The following TLN2 variants were observed in gnomAD, a reference collection of about 807,000 sequenced individuals.
The protein encoded by TLN2 is talin 2.
TLN2 carries 118 observed loss-of-function variants against 294.7 expected under a neutral mutation model. That is an observed-to-expected ratio of 0.40 (90% CI 0.34 to 0.47). The LOEUF (loss-of-function observed/expected upper bound fraction) is 0.47, where lower values mean the gene tolerates loss of function less well. Among genes scored for constraint, TLN2 ranks in the 20% least tolerant of loss-of-function variants. TLN2 has a pLI of 0.84. For missense variants in TLN2, 3,083 were observed against 3,282.2 expected (o/e 0.94, Z 1.48); for synonymous variants, 1,431 against 1,304.5 (o/e 1.10, Z -2.09).
intron 1 of TLN2, among the ~76,000 whole-genome samples, chr15:62,495,441 C>T (rs957702589): frequency 1.3e-5 from 2 of 152,188 alleles, no homozygotes; most frequent in Admixed American, 6.5e-5. Context: ...AGGAAAGCCT[C>T]TCATGGGAAT....
chr15:62,586,053 C>G (rs1457341201), intron 1 of TLN2, among the ~76,000 whole-genome samples: 1 of 152,196 alleles, frequency 6.6e-6, no homozygotes, highest in African/African-American at 2.4e-5. Context: ...AGCCGGATGA[C>G]TAGTAAATGA....
chr15:62,564,980 G>A (rs566427785), intron 1 of TLN2, among the ~76,000 whole-genome samples: 1 of 147,430 alleles, frequency 6.8e-6, no homozygotes, highest in Admixed American at 6.8e-5. Context: ...ACTCAGAAAA[G>A]CTTATAAATA....
chr15:62,701,364 A>G, intron 17 of TLN2, 150 bp downstream of exon 17: 2 of 670,654 alleles, frequency 3.0e-6, no homozygotes, highest in Admixed American at 3.1e-5. Context: ...TGCTGTAGGC[A>G]TTTTCTCCCA....
chr15:62,431,034 C>T (rs1222726634), intron 1 of TLN2, among the ~76,000 whole-genome samples: 1 of 151,968 alleles, frequency 6.6e-6, no homozygotes, highest in Non-Finnish European at 1.5e-5. Context: ...TGATACCTTG[C>T]TCTGGATTCT....
intron 40 of TLN2, 32 bp from the exon 41 acceptor site, chr15:62,766,289 T>C (rs778191166): frequency 3.8e-6 from 6 of 1,589,312 alleles, no homozygotes; most frequent in South Asian, 2.2e-5. Flanking sequence ...GGAGCTGTTA[T>C]GGGATGAACT....
At chr15:62,602,038 G>A (rs888615296) in intron 2 of TLN2, among the ~76,000 whole-genome samples, 2 of 152,142 alleles carry the variant, frequency 1.3e-5, no homozygotes, top group Non-Finnish European at 2.9e-5. Flanking sequence ...CTGCCAGTTC[G>A]TCAAGGAGCC....
At chr15:62,696,418 A>AT (rs2058340210) in intron 14 of TLN2, among the ~76,000 whole-genome samples, 1 of 152,204 alleles carries the variant, frequency 6.6e-6, no homozygotes, top group Admixed American at 6.5e-5. Context: ...AAAAAATGCA[A>AT]TTTTTTGGCT....
intron 1 of TLN2, among the ~76,000 whole-genome samples, chr15:62,529,270 A>AT (rs922198106): frequency 2.6e-5 from 4 of 151,650 alleles, no homozygotes; most frequent in Admixed American, 2.0e-4. Context: ...ATTAAAAAAA[A>AT]TTTTTTTTGT....
intron 1 of TLN2, among the ~76,000 whole-genome samples, chr15:62,501,198 GA>G (rs2039287514): frequency 1.3e-5 from 2 of 152,204 alleles, no homozygotes; most frequent in Admixed American, 6.5e-5. Flanking sequence ...AAAAAAGGAG[GA>G]ACTTTTATCT....
At chr15:62,564,433 A>T (rs78166376) in intron 1 of TLN2, among the ~76,000 whole-genome samples, 3 of 152,208 alleles carry the variant, frequency 2.0e-5, no homozygotes, top group Non-Finnish European at 4.4e-5. Flanking sequence ...ACTCATTTCA[A>T]TCTGCAAAGT....
intron 30 of TLN2, 112 bp from the exon 31 acceptor site, chr15:62,739,236 T>C: frequency 1.6e-6 from 2 of 1,227,478 alleles, no homozygotes; most frequent in East Asian, 2.5e-5. Flanking sequence ...CTTTTAATCG[T>C]GATGACTCAA....
intron 43 of TLN2, 29 bp downstream of exon 43, chr15:62,776,939 C>A (rs1278859339): frequency 1.4e-6 from 2 of 1,445,778 alleles, no homozygotes; most frequent in South Asian, 1.5e-5. Flanking sequence ...GCTCTCTACT[C>A]CCTTATCTCC....
chr15:62,483,012 C>T (rs572750410), intron 1 of TLN2, among the ~76,000 whole-genome samples: 1 of 152,242 alleles, frequency 6.6e-6, no homozygotes, highest in Non-Finnish European at 1.5e-5. Context: ...CAGTGAGAGA[C>T]TGCTTCTAGA....
intron 1 of TLN2, among the ~76,000 whole-genome samples, chr15:62,484,582 C>A (rs1306899658): frequency 6.6e-6 from 1 of 152,072 alleles, no homozygotes; most frequent in Non-Finnish European, 1.5e-5. Flanking sequence ...GCTACCACCA[C>A]GCCCGGCTAA....
At chr15:62,483,015 C>T (rs758545617) in intron 1 of TLN2, among the ~76,000 whole-genome samples, 21 of 152,210 alleles carry the variant, frequency 1.4e-4, no homozygotes, top group Middle Eastern at 3.2e-3. Context: ...TGAGAGACTG[C>T]TTCTAGACTG....
At chr15:62,634,426 A>C (rs755055970) in intron 3 of TLN2, among the ~76,000 whole-genome samples, 1 of 152,246 alleles carries the variant, frequency 6.6e-6, no homozygotes, top group African/African-American at 2.4e-5. Context: ...TTCAAGAATA[A>C]GTCCAGGTTG....
chr15:62,691,281 G>T (rs1004176466), intron 12 of TLN2, among the ~76,000 whole-genome samples: 1 of 152,030 alleles, frequency 6.6e-6, no homozygotes, highest in Non-Finnish European at 1.5e-5. Context: ...CTGTTTTTTA[G>T]TTTCTTTTCT....
chr15:62,738,264 T>G lies in TLN2; in HGVS notation c.3618T>G (p.Pro1206=). Residue 1206 remains proline, a synonymous_variant, in exon 30 of 59, where the codon CCT becomes CCG. Coordinates refer to ENST00000636159, the MANE Select transcript of TLN2 (RefSeq NM_015059.3). ...HSLNNCVNCL[P]GQKDVDVALK... is the part of the protein sequence containing the mutation. ...TGAATAACTGCGTAAATTGCCTCCC[T>G]GGGCAGAAGGATGTGGACGTGGCCT... is the stretch of plus-strand genomic sequence containing the variant. The G allele has an allele frequency of 6.2e-7, 1 of 1,614,180 alleles. No individual in the cohort carries two copies. The highest frequency in any genetic ancestry group is 8.5e-7 in the Non-Finnish European group (1 of 1,180,024).
At chr15:62,617,552 A>T (rs4316702) in intron 2 of TLN2, among the ~76,000 whole-genome samples, 54,355 of 151,994 alleles carry the variant, frequency 0.36, 10,009 homozygotes, top group East Asian at 0.57. Flanking sequence ...CCCTTTCTCC[A>T]GCCTCTCTGA....
Sources: gnomAD v4.1 joint callset for allele counts (sites outside exome capture counted in the v4.1 genomes callset) on GRCh38, gnomAD v4.1.1 for gene constraint, MANE v1.5 for transcripts, NCBI Gene and HGNC (gene_info 2026-07-23, HGNC 2026-07-21) for gene names.